The following PECR variants were observed in gnomAD, a reference collection of about 807,000 sequenced individuals.
PECR encodes peroxisomal trans-2-enoyl-CoA reductase.
Under a neutral mutation model 35.3 loss-of-function variants are expected in PECR, and 30 were observed. The ratio of observed to expected loss-of-function variants is 0.85; its 90% CI spans 0.64 to 1.15. PECR has a LOEUF of 1.15. PECR is among the 50% of genes most tolerant of loss of function. PECR has a pLI of 0.00. For synonymous variants in PECR, 148 were observed against 138.9 expected (o/e 1.07, Z -0.46); for missense variants, 392 against 370.8 (o/e 1.06, Z -0.47).
chr2:216,032,794 T>C (rs1031497695), intron 7 of PECR: 2 of 152,232 alleles, frequency 1.3e-5, no homozygotes, highest in Admixed American at 1.3e-4. Context: ...CATACCTTTC[T>C]TGAATACGGT....
At chr2:216,039,431 C>G (rs1694851357) in intron 7 of PECR, 71 bp from the exon 8 acceptor site, 1 of 855,882 alleles carries the variant, frequency 1.2e-6, no homozygotes, top group Non-Finnish European at 2.0e-6. Context: ...ACCAAATCCT[C>G]TTGTTAATTT....
intron 6 of PECR, among the ~76,000 whole-genome samples, chr2:216,047,676 A>C (rs1309966188): frequency 6.6e-6 from 1 of 152,218 alleles, no homozygotes; most frequent in Admixed American, 6.5e-5. Context: ...TACATAAATA[A>C]ATATAGCTTC....
In PECR at chr2:216,038,409, TTTGAA is replaced by T. The variant is rs1250589899; in HGVS notation, c.*861_*865del. The stretch of plus-strand genomic sequence containing the variant: ...AAAATAAATCACATAAAACTTTTTC[TTTGAA>T]TTAAGAGAATTTATACAAATTTGAC... On this transcript the variant is annotated 3_prime_UTR_variant, in exon 8 of 8. Transcript: ENST00000265322. 3.9e-5 allele frequency: 6 copies of T among 152,206 alleles called. No individual in the cohort carries two copies. The highest frequency in any genetic ancestry group is 8.8e-5 in the Non-Finnish European group (6 of 68,048). 9.4% of individuals were successfully genotyped at this position (152,206 alleles called of 1,614,324 possible). A position where few individuals can be genotyped will look rare whatever the true frequency, so the allele number is the denominator to read the frequency against.
intron 5 of PECR, among the ~76,000 whole-genome samples, chr2:216,050,499 A>C (rs1559210780): frequency 6.6e-6 from 1 of 152,252 alleles, no homozygotes; most frequent in Non-Finnish European, 1.5e-5. Context: ...AATTAATATT[A>C]GTAGCAACAC....
intron 3 of PECR, among the ~76,000 whole-genome samples, chr2:216,063,251 T>C (rs956640994): frequency 6.6e-6 from 1 of 152,238 alleles, no homozygotes; most frequent in Non-Finnish European, 1.5e-5. Flanking sequence ...TATAGATGTA[T>C]AAAACTTCAC....
chr2:216,033,228 C>G (rs2105937057), intron 7 of PECR, among the ~76,000 whole-genome samples: 1 of 152,250 alleles, frequency 6.6e-6, no homozygotes, highest in African/African-American at 2.4e-5. Context: ...AACCCCCCTT[C>G]CTCCATTTTT....
chr2:216,043,800 T>C (rs974444634), intron 7 of PECR, 104 bp downstream of exon 7: 2 of 704,116 alleles, frequency 2.8e-6, no homozygotes, highest in African/African-American at 3.5e-5. Context: ...TGATGTTCTA[T>C]AAGAGAGCAC....
chr2:216,054,041 T>C (rs924700617), intron 4 of PECR, among the ~76,000 whole-genome samples: 2 of 152,028 alleles, frequency 1.3e-5, no homozygotes, highest in South Asian at 4.1e-4. Context: ...TCCCAGCACT[T>C]TGGGAGGTTG....
intron 1 of PECR, among the ~76,000 whole-genome samples, chr2:216,073,371 G>T (rs1348712937): frequency 6.6e-6 from 1 of 152,164 alleles, no homozygotes; most frequent in African/African-American, 2.4e-5. Flanking sequence ...TGGTGCTGTA[G>T]CCACTGTAAT....
At chr2:216,066,626 G>A (rs113431654) in intron 1 of PECR, 108 bp from the exon 2 acceptor site, 9 of 929,252 alleles carry the variant, frequency 9.7e-6, no homozygotes, top group Admixed American at 3.4e-5. Context: ...ATGCCTTCAT[G>A]AGTTGTCCAA....
At chr2:216,062,694 A>T (rs1427803932) in intron 3 of PECR, among the ~76,000 whole-genome samples, 3 of 152,246 alleles carry the variant, frequency 2.0e-5, no homozygotes, top group Admixed American at 6.5e-5. Flanking sequence ...AAATAAAAAT[A>T]ATATGTAATT....
rs868317527 is a variant in PECR, at chr2:216,066,622, T to C, written c.125-104A>G. 8 of 942,614 alleles carry C rather than the reference T, an allele frequency of 8.5e-6. No individual in the cohort carries two copies. The Middle Eastern group carries it at 1.0e-3, about 123-fold the overall frequency. 58.4% of individuals were successfully genotyped at this position (942,614 alleles called of 1,614,324 possible). On this transcript the variant is annotated intron_variant, in intron 1 of 7. Coordinates refer to ENST00000265322, the MANE Select transcript of PECR (RefSeq NM_018441.6). ...CGCCAGGGAACAAATAAATATGCCTTCATGAGTTGTCCAAATTCCAACAAT... is the reference window on the plus strand; with the variant it reads ...CGCCAGGGAACAAATAAATATGCCTCCATGAGTTGTCCAAATTCCAACAAT...
intron 7 of PECR, among the ~76,000 whole-genome samples, chr2:216,043,089 A>G (rs370149573): frequency 0.011 from 1,397 of 130,756 alleles, 52 homozygotes; most frequent in African/African-American, 0.017. Flanking sequence ...ATACACATAC[A>G]TATATATGTA....
Position 216,058,830 on chromosome 2 carries a change from A to C in PECR, c.506+65T>G, listed in dbSNP as rs138870462. ...CTTGATTTAAGAAATGTTCCCTAACATGCTTCCCCCAATCAGAAGACAAAA... is the reference window on the plus strand; with the variant it reads ...CTTGATTTAAGAAATGTTCCCTAACCTGCTTCCCCCAATCAGAAGACAAAA... On this transcript the variant is annotated intron_variant, in intron 4 of 7. Coordinates refer to ENST00000265322, the MANE Select transcript of PECR (RefSeq NM_018441.6). The C allele has an allele frequency of 1.6e-3, 1,398 of 857,576 alleles. 13 individuals are homozygous for C. The African/African-American group carries it at 0.021, about 13-fold the overall frequency. 53.1% of individuals were successfully genotyped at this position (857,576 alleles called of 1,614,324 possible). A position where few individuals can be genotyped will look rare whatever the true frequency, so the allele number is the denominator to read the frequency against.
intron 1 of PECR, among the ~76,000 whole-genome samples, chr2:216,068,394 C>T (rs1319032570): frequency 6.6e-6 from 1 of 152,018 alleles, no homozygotes; most frequent in Non-Finnish European, 1.5e-5. Context: ...AGCCAGAAGA[C>T]ACTGAAACAT....
chr2:216,035,560 T>C (rs112373187), downstream of PECR, among the ~76,000 whole-genome samples: 1,690 of 151,480 alleles, frequency 0.011, 29 homozygotes, highest in African/African-American at 0.037. Context: ...CAATCTTGGC[T>C]CACTGCAATC....
chr2:216,033,771 C>T (rs1694748284), downstream of PECR: 1 of 152,366 alleles, frequency 6.6e-6, no homozygotes, highest in African/African-American at 2.4e-5. Context: ...CTGACTCCCA[C>T]CAGGCAGAAC....
At chr2:216,050,698 C>G (rs553614630) in intron 5 of PECR, 7 of 152,186 alleles carry the variant, frequency 4.6e-5, no homozygotes, top group African/African-American at 1.7e-4. Flanking sequence ...GTCAGGAGAT[C>G]GAGACCACGC....
intron 7 of PECR, among the ~76,000 whole-genome samples, chr2:216,043,308 C>T (rs1012125224): frequency 6.6e-6 from 1 of 151,896 alleles, no homozygotes; most frequent in African/African-American, 2.4e-5. Flanking sequence ...CGGGGTTTCA[C>T]TGTGTTAACC....
Sources: gnomAD v4.1 joint callset for allele counts (sites outside exome capture counted in the v4.1 genomes callset) on GRCh38, gnomAD v4.1.1 for gene constraint, MANE v1.5 for transcripts, NCBI Gene and HGNC (gene_info 2026-07-23, HGNC 2026-07-21) for gene names.